Variants in TENM3 observed in about 807,000 individuals in gnomAD.
TENM3 encodes teneurin-3.
A neutral mutation model predicts 255.1 loss-of-function variants in TENM3; 63 were observed. The observed-to-expected ratio is 0.25, with a 90% CI of 0.20 to 0.30. TENM3 has a LOEUF of 0.30. Ranked by LOEUF, TENM3 falls within the 10% of genes least tolerant of loss-of-function variation. The pLI, the probability that TENM3 is intolerant of heterozygous loss-of-function variation, is 1.00. For synonymous variants in TENM3, 1,306 were observed against 1,322.3 expected (o/e 0.99, Z 0.27); for missense variants, 2,929 against 3,461.1 (o/e 0.85, Z 3.86).
chr4:181,906,015 C>T, the TENM3 span: 32 of 464,240 alleles, frequency 6.9e-5, no homozygotes, highest in East Asian at 1.5e-3. Context: ...CATTATATCT[C>T]GTAACAGTGA....
At chr4:181,504,930 A>G in the TENM3 span, among the ~76,000 whole-genome samples, 1 of 152,218 alleles carries the variant, frequency 6.6e-6, no homozygotes, top group Admixed American at 6.5e-5. Flanking sequence ...CTGAGTGATG[A>G]CATGCAATTG....
the TENM3 span, among the ~76,000 whole-genome samples, chr4:181,931,104 A>G: frequency 3.9e-5 from 6 of 152,236 alleles, no homozygotes; most frequent in Non-Finnish European, 1.5e-5. Flanking sequence ...GAAAACCAGC[A>G]CAAGACAAGA....
At position 182,755,235 on chromosome 4, in the gene TENM3, A is replaced by G. The variant is rs1255490026; in HGVS notation, c.4868A>G (p.Glu1623Gly). ...NSGLLATKSD[E>G]TGWTTFFDYD... ...GGCCTTTTAGCCACTAAAAGTGATG[A>G]AACTGGATGGACAACGTTTTTTGAG... Residue 1623 changes from glutamate to glycine, a missense_variant, in exon 22 of 28, where the codon GAA becomes GGA. Glu to Gly is a moderately conservative substitution (Grantham distance 98). Transcript: ENST00000511685. The G allele has an allele frequency of 5.0e-6, 8 of 1,603,932 alleles. No homozygotes were observed. The East Asian group carries it at 1.6e-4, about 31-fold the overall frequency.
chr4:181,730,122 C>T, the TENM3 span, among the ~76,000 whole-genome samples: 5 of 151,988 alleles, frequency 3.3e-5, no homozygotes, highest in African/African-American at 4.8e-5. Flanking sequence ...CAGCAGGTTT[C>T]GGGGGAAAGC....
At chr4:182,344,012 T>A (rs1342823369) in intron 2 of TENM3, among the ~76,000 whole-genome samples, 1 of 152,160 alleles carries the variant, frequency 6.6e-6, no homozygotes, top group Non-Finnish European at 1.5e-5. Context: ...TTGAAAATGA[T>A]CCTCTCCCTA....
chr4:181,898,039 A>G, the TENM3 span, among the ~76,000 whole-genome samples: 1 of 152,210 alleles, frequency 6.6e-6, no homozygotes, highest in Non-Finnish European at 1.5e-5. Flanking sequence ...TAACAACTGC[A>G]GTCAATGACG....
At chr4:181,976,839 G>A in the TENM3 span, among the ~76,000 whole-genome samples, 3 of 152,186 alleles carry the variant, frequency 2.0e-5, no homozygotes, top group Non-Finnish European at 4.4e-5. Flanking sequence ...TGATACTCCA[G>A]AGTTAAATCA....
At chr4:182,273,110 G>A (rs1759755125) in intron 1 of TENM3, among the ~76,000 whole-genome samples, 1 of 152,174 alleles carries the variant, frequency 6.6e-6, no homozygotes, top group Non-Finnish European at 1.5e-5. Context: ...AATATCCTCT[G>A]GTGGAAACAG....
At chr4:182,536,847 A>G (rs1740379689) in intron 3 of TENM3, among the ~76,000 whole-genome samples, 1 of 152,188 alleles carries the variant, frequency 6.6e-6, no homozygotes, top group Non-Finnish European at 1.5e-5. Flanking sequence ...TAATTCATGT[A>G]ATATTAGATA....
At chr4:181,941,822 T>C in the TENM3 span, among the ~76,000 whole-genome samples, 1 of 152,200 alleles carries the variant, frequency 6.6e-6, no homozygotes, top group Non-Finnish European at 1.5e-5. Context: ...CAGCTCCAGT[T>C]GTTTCACAGG....
chr4:182,483,284 C>T (rs1019925936), intron 3 of TENM3, among the ~76,000 whole-genome samples: 4 of 152,086 alleles, frequency 2.6e-5, no homozygotes, highest in Non-Finnish European at 4.4e-5. Flanking sequence ...AAATAGTAGA[C>T]GTGCACTGGT....
At chr4:181,562,377 G>C in the TENM3 span, among the ~76,000 whole-genome samples, 3 of 152,012 alleles carry the variant, frequency 2.0e-5, no homozygotes, top group African/African-American at 7.2e-5. Flanking sequence ...TATCAGCTAA[G>C]GAATAAAATA....
chr4:182,432,095 G>GA (rs1236166097), intron 3 of TENM3, among the ~76,000 whole-genome samples: 1 of 149,530 alleles, frequency 6.7e-6, no homozygotes, highest in Non-Finnish European at 1.5e-5. Context: ...AAAAAAGAAA[G>GA]AAAGAAAAGA....
the TENM3 span, among the ~76,000 whole-genome samples, chr4:181,799,998 G>T: frequency 6.6e-6 from 1 of 152,254 alleles, no homozygotes; most frequent in East Asian, 1.9e-4. Flanking sequence ...GTGGCTGATG[G>T]AGCCAATTAT....
the TENM3 span, among the ~76,000 whole-genome samples, chr4:181,664,425 G>A: frequency 2.7e-5 from 4 of 150,722 alleles, no homozygotes; most frequent in African/African-American, 9.8e-5. Flanking sequence ...GGCCCAGGTC[G>A]CACCACTGCA....
chr4:182,667,923 G>C (rs138109203), intron 6 of TENM3, among the ~76,000 whole-genome samples: 1 of 151,844 alleles, frequency 6.6e-6, no homozygotes, highest in South Asian at 2.1e-4. Context: ...CGTTTTGCAC[G>C]TGTACCCTAG....
the TENM3 span, among the ~76,000 whole-genome samples, chr4:181,819,375 T>C: frequency 6.6e-6 from 1 of 152,070 alleles, no homozygotes; most frequent in Non-Finnish European, 1.5e-5. Flanking sequence ...AAATAATAGG[T>C]CATTCAATAT....
At chr4:182,791,040 T>C (rs546351299) in intron 25 of TENM3, among the ~76,000 whole-genome samples, 1 of 152,274 alleles carries the variant, frequency 6.6e-6, no homozygotes, top group African/African-American at 2.4e-5. Context: ...AAGCCAAAAC[T>C]TACTCATAGC....
At chr4:181,794,955 T>A in the TENM3 span, among the ~76,000 whole-genome samples, 1 of 152,116 alleles carries the variant, frequency 6.6e-6, no homozygotes, top group Non-Finnish European at 1.5e-5. Flanking sequence ...ACAGAAGAAA[T>A]TCACCTACCA....
Sources: allele counts gnomAD v4.1 joint callset (sites outside exome capture counted in the v4.1 genomes callset), GRCh38; gene constraint gnomAD v4.1.1; transcripts MANE v1.5; gene names NCBI Gene and HGNC (gene_info 2026-07-23, HGNC 2026-07-21).